The following SBF2 variants were observed in gnomAD, a reference collection of about 807,000 sequenced individuals.
SBF2 encodes myotubularin-related protein 13.
Under a neutral mutation model 225.2 loss-of-function variants are expected in SBF2, and 112 were observed. The ratio of observed to expected loss-of-function variants is 0.50; its 90% CI spans 0.43 to 0.58. The LOEUF is 0.58. Among genes scored for constraint, SBF2 ranks in the 20% least tolerant of loss-of-function variants. The probability of loss-of-function intolerance (pLI) is 0.00; values close to 1 mark genes in which losing one functional copy is unlikely to be tolerated. For missense variants in SBF2, 1,996 were observed against 2,206.2 expected (o/e 0.90, Z 1.91); for synonymous variants, 763 against 773.3 (o/e 0.99, Z 0.22).
At chr11:10,269,976 T>C (rs1565420371) in intron 1 of SBF2, among the ~76,000 whole-genome samples, 2 of 152,306 alleles carry the variant, frequency 1.3e-5, no homozygotes, top group Non-Finnish European at 2.9e-5. Flanking sequence ...GCCTCTCTAT[T>C]TGATCCTGAG....
rs912881512 is a variant in SBF2 at position 9,850,202 on chromosome 11, G to A, written c.2627C>T (p.Pro876Leu). 2 of 1,613,300 alleles carry A rather than the reference G, an allele frequency of 1.2e-6. No individual in the cohort carries two copies. The highest frequency in any genetic ancestry group is 2.7e-5 in the African/African-American group (2 of 74,892). The stretch of plus-strand genomic sequence containing the variant: ...AATTTCTTCTCCTGGCAGCAGAGCA[G>A]GTCTAAGAATCTTGGGCTTACAACA... ...PPIQKPKILR[P>L]ALLPGEEIVC... is the part of the protein sequence containing the mutation. Residue 876 changes from proline to leucine, a missense_variant, in exon 22 of 40, where the codon CCT (proline) becomes CTT (leucine). By Grantham distance (98) the Pro-to-Leu change is moderately conservative. Coordinates refer to ENST00000256190, the MANE Select transcript of SBF2 (RefSeq NM_030962.4).
At chr11:9,822,087 GTTACTAAGTTAAATGTT>G (rs1854785762) in intron 28 of SBF2, among the ~76,000 whole-genome samples, 1 of 152,078 alleles carries the variant, frequency 6.6e-6, no homozygotes, top group Non-Finnish European at 1.5e-5. Context: ...CTATGGGCTA[GTTACTAAGTTAAATGTT>G]TTACATATAC....
chr11:10,070,217 A>G (rs1165868862), intron 2 of SBF2, among the ~76,000 whole-genome samples: 1 of 152,224 alleles, frequency 6.6e-6, no homozygotes, highest in Non-Finnish European at 1.5e-5. Context: ...TGTTTTAGCC[A>G]TGAAGTCCTC....
intron 16 of SBF2, among the ~76,000 whole-genome samples, chr11:9,912,928 A>G (rs919286890): frequency 1.3e-5 from 2 of 152,228 alleles, no homozygotes; most frequent in African/African-American, 4.8e-5. Flanking sequence ...ATTACTATAA[A>G]ACATTAAGAA....
intron 16 of SBF2, among the ~76,000 whole-genome samples, chr11:9,922,078 T>C (rs376152148): frequency 1.4e-4 from 21 of 151,684 alleles, no homozygotes; most frequent in African/African-American, 3.6e-4. Flanking sequence ...GGGACTCCGA[T>C]TGTACAAAAA....
At chr11:9,976,526 G>A (rs1424810756) in intron 13 of SBF2, among the ~76,000 whole-genome samples, 2 of 152,076 alleles carry the variant, frequency 1.3e-5, no homozygotes. Flanking sequence ...GAGCCCAGAA[G>A]TTTGAGGCTG....
At chr11:10,168,015 C>T (rs1280463686) in intron 2 of SBF2, among the ~76,000 whole-genome samples, 1 of 152,194 alleles carries the variant, frequency 6.6e-6, no homozygotes, top group Admixed American at 6.5e-5. Flanking sequence ...GAGACTCTGT[C>T]TCAAAACAAA....
intron 16 of SBF2, among the ~76,000 whole-genome samples, chr11:9,904,546 G>A (rs1487075900): frequency 2.6e-5 from 4 of 152,130 alleles, no homozygotes; most frequent in Non-Finnish European, 5.9e-5. Flanking sequence ...GATAGTTCAA[G>A]CAGGTAGAAA....
chr11:10,204,582 C>G (rs1957685945), intron 1 of SBF2, among the ~76,000 whole-genome samples: 1 of 150,966 alleles, frequency 6.6e-6, no homozygotes, highest in Admixed American at 6.6e-5. Flanking sequence ...GGCGTGAACC[C>G]AGGAGGCGGA....
In SBF2 at chr11:9,829,440, C is replaced by T. The variant is rs747076888; in HGVS notation, c.3709G>A (p.Ala1237Thr). Residue 1237 changes from alanine to threonine, a missense_variant, in exon 28 of 40, where the codon GCC becomes ACC. Coordinates refer to ENST00000256190, the MANE Select transcript of SBF2 (RefSeq NM_030962.4). Reference sequence around the variant, plus strand: ...TGGACAGAAACAGCATTCAGTAAGGCTTGCAAGTATTTCTCTTGTTCTATG... The same window carrying T: ...TGGACAGAAACAGCATTCAGTAAGGTTTGCAAGTATTTCTCTTGTTCTATG... ...SSIEQEKYLQ[A>T]LLNAVSVHQK... The T allele has an allele frequency of 6.2e-7, 1 of 1,613,638 alleles. No homozygotes were observed. The highest frequency in any genetic ancestry group is 1.1e-5 in the South Asian group (1 of 91,060).
chr11:10,006,521 C>G (rs1179287787), intron 6 of SBF2, among the ~76,000 whole-genome samples: 2 of 152,140 alleles, frequency 1.3e-5, no homozygotes, highest in Non-Finnish European at 2.9e-5. Context: ...CACTTACTTG[C>G]TTTTTTTGAG....
At chr11:10,275,076 G>C (rs528969431) in intron 1 of SBF2, among the ~76,000 whole-genome samples, 1 of 152,072 alleles carries the variant, frequency 6.6e-6, no homozygotes, top group African/African-American at 2.4e-5. Flanking sequence ...ATGGACACCT[G>C]AACTCAATAG....
chr11:9,965,269 AC>A (rs542029443), intron 14 of SBF2, among the ~76,000 whole-genome samples: 137 of 150,244 alleles, frequency 9.1e-4, no homozygotes, highest in African/African-American at 3.3e-3. Flanking sequence ...TCAATACAAA[AC>A]CTATATTCGT....
chr11:10,245,298 A>C (rs1297823232), intron 1 of SBF2, among the ~76,000 whole-genome samples: 1 of 151,732 alleles, frequency 6.6e-6, no homozygotes, highest in East Asian at 1.9e-4. Flanking sequence ...AATCCCATCT[A>C]CTCAAGAACC....
At chr11:10,022,884 T>A (rs1948914098) in intron 6 of SBF2, among the ~76,000 whole-genome samples, 1 of 152,176 alleles carries the variant, frequency 6.6e-6, no homozygotes, top group African/African-American at 2.4e-5. Flanking sequence ...TGCAGTTTAA[T>A]GTGTTCCTCT....
chr11:10,135,614 A>G (rs1307371346), intron 2 of SBF2, among the ~76,000 whole-genome samples: 2 of 152,186 alleles, frequency 1.3e-5, no homozygotes, highest in African/African-American at 2.4e-5. Flanking sequence ...AAGTTCCACA[A>G]ATCTCTAGGG....
intron 16 of SBF2, among the ~76,000 whole-genome samples, chr11:9,948,744 A>G (rs1203213259): frequency 6.6e-6 from 1 of 152,130 alleles, no homozygotes; most frequent in Non-Finnish European, 1.5e-5. Flanking sequence ...CACATTTCCA[A>G]CTGTTATTTT....
At chr11:9,927,044 G>T (rs114222744) in intron 16 of SBF2, among the ~76,000 whole-genome samples, 2,296 of 152,088 alleles carry the variant, frequency 0.015, 63 homozygotes, top group African/African-American at 0.051. Context: ...TTTGCCATGA[G>T]GAATGAGAGA....
intron 16 of SBF2, among the ~76,000 whole-genome samples, chr11:9,944,322 A>C (rs1865445593): frequency 6.6e-6 from 1 of 152,182 alleles, no homozygotes; most frequent in South Asian, 2.1e-4. Context: ...TATTTCTTAA[A>C]CTGGGTGGTG....
Sources: allele counts gnomAD v4.1 joint callset (sites outside exome capture counted in the v4.1 genomes callset), GRCh38; gene constraint gnomAD v4.1.1; transcripts MANE v1.5; gene names NCBI Gene and HGNC (gene_info 2026-07-23, HGNC 2026-07-21).